Variants in CNTN6 observed in about 807,000 individuals in gnomAD.
CNTN6 encodes contactin-6.
Under a neutral mutation model 122.8 loss-of-function variants are expected in CNTN6, and 137 were observed. The ratio of observed to expected loss-of-function variants is 1.12; its 90% CI spans 0.97 to 1.29. The LOEUF is 1.29. Ranked by LOEUF, CNTN6 falls within the 50% of genes most tolerant of loss-of-function variation. The probability of loss-of-function intolerance (pLI) is 0.00; values close to 1 mark genes in which losing one functional copy is unlikely to be tolerated. For synonymous variants in CNTN6, 570 were observed against 426.0 expected (o/e 1.34, Z -4.16); for missense variants, 1,634 against 1,223.4 (o/e 1.34, Z -5.01).
At chr3:1,113,283 G>A (rs988209322) in intron 1 of CNTN6, among the ~76,000 whole-genome samples, 3 of 152,086 alleles carry the variant, frequency 2.0e-5, no homozygotes, top group East Asian at 3.9e-4. Context: ...AAATATTGAT[G>A]TTATTCAAAT....
intron 1 of CNTN6, among the ~76,000 whole-genome samples, chr3:1,102,191 A>C (rs2090934434): frequency 6.6e-6 from 1 of 152,120 alleles, no homozygotes; most frequent in Non-Finnish European, 1.5e-5. Flanking sequence ...TTCAAGGTTT[A>C]TTTGGTTTCC....
intron 2 of CNTN6, among the ~76,000 whole-genome samples, chr3:1,192,312 C>G (rs375202028): frequency 2.6e-5 from 4 of 152,122 alleles, no homozygotes; most frequent in East Asian, 3.9e-4. Flanking sequence ...TTGCTAGTGC[C>G]TCTTCCTAGA....
intron 20 of CNTN6, among the ~76,000 whole-genome samples, chr3:1,398,037 T>A (rs1444064702): frequency 6.6e-6 from 1 of 152,160 alleles, no homozygotes; most frequent in Non-Finnish European, 1.5e-5. Flanking sequence ...GAAAATGATT[T>A]AGTCTTTGGA....
intron 7 of CNTN6, among the ~76,000 whole-genome samples, chr3:1,305,975 G>A (rs1698294364): frequency 6.6e-6 from 1 of 152,124 alleles, no homozygotes; most frequent in Admixed American, 6.5e-5. Context: ...GGACATCATT[G>A]CAGATTATAC....
intron 7 of CNTN6, among the ~76,000 whole-genome samples, chr3:1,300,670 C>G (rs926304580): frequency 8.6e-5 from 13 of 151,800 alleles, no homozygotes; most frequent in Admixed American, 7.9e-4. Flanking sequence ...GCTCACATAC[C>G]AGTTTCTTAA....
rs142889494 is a variant in CNTN6, at chr3:1,192,698, CCA to C, written c.56-27973_56-27972del. On this transcript the variant is annotated intron_variant, in intron 2 of 22. Transcript: ENST00000446702. ...CCAACAACAAAGATAGCAATGACAA[CCA>C]CACACACACACACACCCCTGTTGTG... Among the ~76,000 whole-genome samples, 823 of 150,568 alleles carry C rather than the reference CCA, an allele frequency of 5.5e-3. 5 individuals carry two copies. The highest frequency in any genetic ancestry group is 0.019 in the African/African-American group (785 of 41,166).
At chr3:1,269,112 A>T (rs1184567083) in intron 4 of CNTN6, among the ~76,000 whole-genome samples, 1 of 151,486 alleles carries the variant, frequency 6.6e-6, no homozygotes, top group Non-Finnish European at 1.5e-5. Flanking sequence ...TCTTCTACAC[A>T]CTTTAATTGT....
chr3:1,243,778 G>A (rs1269526687), intron 4 of CNTN6, among the ~76,000 whole-genome samples: 1 of 152,180 alleles, frequency 6.6e-6, no homozygotes, highest in Non-Finnish European at 1.5e-5. Flanking sequence ...GACCGGGTGT[G>A]AGGAGGGGAG....
chr3:1,309,571 T>C (rs1182277989), intron 7 of CNTN6, among the ~76,000 whole-genome samples: 1 of 152,202 alleles, frequency 6.6e-6, no homozygotes, highest in African/African-American at 2.4e-5. Context: ...ACTCCAACTT[T>C]ATTCTTCTTC....
At chr3:1,107,860 G>A (rs6442206) in intron 1 of CNTN6, among the ~76,000 whole-genome samples, 38,561 of 151,928 alleles carry the variant, frequency 0.25, 10,233 homozygotes, top group African/African-American at 0.68. Context: ...TTACTGAAAG[G>A]AGTTAGGTCT....
intron 5 of CNTN6, among the ~76,000 whole-genome samples, chr3:1,289,960 CAA>C: frequency 6.6e-6 from 1 of 152,250 alleles, no homozygotes; most frequent in Non-Finnish European, 1.5e-5. Context: ...AGGCGTGAGC[CAA>C]TGCGCCCGGC....
At chr3:1,167,267 C>T (rs1040033798) in intron 2 of CNTN6, among the ~76,000 whole-genome samples, 3 of 152,230 alleles carry the variant, frequency 2.0e-5, no homozygotes, top group Non-Finnish European at 2.9e-5. Flanking sequence ...ACAAATGATA[C>T]ACATTCAAGT....
At chr3:1,180,444 A>G (rs777761347) in intron 2 of CNTN6, among the ~76,000 whole-genome samples, 1 of 152,130 alleles carries the variant, frequency 6.6e-6, no homozygotes, top group Admixed American at 6.6e-5. Context: ...AGATGAATCA[A>G]TTTTTTTCCC....
chr3:1,122,738 A>G (rs1282577189), intron 1 of CNTN6, among the ~76,000 whole-genome samples: 1 of 151,864 alleles, frequency 6.6e-6, no homozygotes, highest in African/African-American at 2.4e-5. Context: ...CACTTAGTAT[A>G]ATATTTTCAA....
At position 1,272,006 on chromosome 3, in the gene CNTN6, G is replaced by T. The variant is rs534599375; in HGVS notation, c.359-6407G>T. ...GGAGGTAATTGAATCATGGGGGCAG[G>T]TTTTACCCATGCTGTTCTCCTGTTA... On this transcript the variant is annotated intron_variant, in intron 4 of 22. Transcript: ENST00000446702. Among the ~76,000 whole-genome samples the T allele has an allele frequency of 4.6e-5, 7 of 152,228 alleles. No individual in the cohort carries two copies. The South Asian group carries it at 1.5e-3, about 32-fold the overall frequency.
intron 2 of CNTN6, among the ~76,000 whole-genome samples, chr3:1,148,409 ATTC>A (rs536461377): frequency 6.6e-6 from 1 of 151,966 alleles, no homozygotes; most frequent in East Asian, 1.9e-4. Flanking sequence ...GTGAATAATT[ATTC>A]TTATTTTCAT....
Position 1,383,326 on chromosome 3 carries a change from A to T in CNTN6, c.2435A>T (p.Gln812Leu), listed in dbSNP as rs1171082228. ...CTGGCCCCAAGGGGAACTTCTCTCC[A>T]GAGTTTTTCTGCTTCTGAAATGGAG... ...PQLAPRGTSL[Q>L]SFSASEMEVS... Residue 812 changes from glutamine (Q) to leucine (L), a missense_variant, in exon 19 of 23, where the codon CAG becomes CTG. Transcript: ENST00000446702. The T allele has an allele frequency of 6.2e-7, 1 of 1,614,080 alleles. No individual in the cohort carries two copies. Among genetic ancestry groups the T allele is most frequent in the South Asian group, 1.1e-5 (1 of 91,088 alleles).
rs1559787237 is a variant in CNTN6, at chr3:1,311,393, CATATAT to C, written c.762-10256_762-10251del. Among the ~76,000 whole-genome samples the C allele has an allele frequency of 1.1e-4, 10 of 90,508 alleles. 2 individuals carry two copies. Among genetic ancestry groups the C allele is most frequent in the Non-Finnish European group, 6.3e-5 (3 of 47,878 alleles). The allele number at this position is 90,508 out of a possible 152,430, so 59.4% of individuals were successfully genotyped here. Reference sequence around the variant, plus strand: ...TACATATAAAATGTCTTTATATGTACATATATGTACATATAAAATGTCTTTATATGT... The same window carrying C: ...TACATATAAAATGTCTTTATATGTACGTACATATAAAATGTCTTTATATGT... On this transcript the variant is annotated intron_variant, in intron 7 of 22. Transcript: ENST00000446702.
At chr3:1,139,797 G>A (rs2092567271) in intron 1 of CNTN6, among the ~76,000 whole-genome samples, 1 of 152,132 alleles carries the variant, frequency 6.6e-6, no homozygotes, top group African/African-American at 2.4e-5. Flanking sequence ...CAGCTGGATT[G>A]GTTACAGATT....
Sources: gnomAD v4.1 joint callset for allele counts (sites outside exome capture counted in the v4.1 genomes callset) on GRCh38, gnomAD v4.1.1 for gene constraint, MANE v1.5 for transcripts, NCBI Gene and HGNC (gene_info 2026-07-23, HGNC 2026-07-21) for gene names.